Variants in CRACR2A observed in about 807,000 individuals in gnomAD.
The protein encoded by CRACR2A is calcium release activated channel regulator 2A, also known as EF-hand calcium-binding domain-containing protein 4B.
A neutral mutation model predicts 90.5 loss-of-function variants in CRACR2A; 79 were observed. That is an observed-to-expected ratio of 0.87 (90% CI 0.73 to 1.05). The LOEUF is 1.05. Among genes scored for constraint, CRACR2A ranks in the 50% least tolerant of loss-of-function variants. The probability of loss-of-function intolerance (pLI) is 0.00; values close to 1 mark genes in which losing one functional copy is unlikely to be tolerated. For synonymous variants in CRACR2A, 338 were observed against 356.7 expected, an observed-to-expected ratio of 0.95 and a Z score of 0.59; for missense variants, 823 against 897.2, an observed-to-expected ratio of 0.92 and a Z score of 1.06.
At chr12:3,719,758 C>G (rs1486754992) in intron 2 of CRACR2A, among the ~76,000 whole-genome samples, 1 of 152,188 alleles carries the variant, frequency 6.6e-6, no homozygotes, top group Non-Finnish European at 1.5e-5. Flanking sequence ...ATGGACTTAT[C>G]TCTCTTATAT....
chr12:3,635,868 T>C (rs1471941067), intron 14 of CRACR2A, among the ~76,000 whole-genome samples: 1 of 152,234 alleles, frequency 6.6e-6, no homozygotes, highest in Non-Finnish European at 1.5e-5. Context: ...CATATCTTGA[T>C]GCATTCCTTC....
chr12:3,678,184 T>A (rs1456562950), intron 6 of CRACR2A, among the ~76,000 whole-genome samples: 1 of 152,220 alleles, frequency 6.6e-6, no homozygotes, highest in African/African-American at 2.4e-5. Context: ...CTACTAGCTG[T>A]AACACCACAT....
At chr12:3,728,201 C>G (rs1946302130) in intron 2 of CRACR2A, 1 of 152,238 alleles carries the variant, frequency 6.6e-6, no homozygotes, top group Non-Finnish European at 1.5e-5. Flanking sequence ...AACGGATCCC[C>G]AGAAGTCACT....
intron 2 of CRACR2A, among the ~76,000 whole-genome samples, chr12:3,719,884 G>T (rs2137803701): frequency 6.6e-6 from 1 of 152,170 alleles, no homozygotes; most frequent in African/African-American, 2.4e-5. Flanking sequence ...TTGGGAGGCT[G>T]AGGCAGGTGG....
intron 4 of CRACR2A, among the ~76,000 whole-genome samples, chr12:3,687,437 G>C (rs1266691433): frequency 1.3e-5 from 2 of 152,112 alleles, no homozygotes; most frequent in Non-Finnish European, 2.9e-5. Flanking sequence ...TTATAAGTAG[G>C]AACATGTGGT....
intron 2 of CRACR2A, chr12:3,732,525 G>A (rs1007312354): frequency 6.6e-6 from 1 of 152,298 alleles, no homozygotes; most frequent in Admixed American, 6.5e-5. Context: ...AGGATGTCAG[G>A]CTACTAGACA....
chr12:3,750,104 T>A (rs1946683703), intron 1 of CRACR2A, among the ~76,000 whole-genome samples: 3 of 151,382 alleles, frequency 2.0e-5, no homozygotes, highest in Admixed American at 6.6e-5. Flanking sequence ...CCCAGCTAAT[T>A]TCTGTATTTT....
chr12:3,642,796 G>C (rs1944597384), intron 12 of CRACR2A, among the ~76,000 whole-genome samples: 1 of 152,162 alleles, frequency 6.6e-6, no homozygotes, highest in African/African-American at 2.4e-5. Flanking sequence ...TATGCTCCCT[G>C]ACAGATGTCT....
intron 15 of CRACR2A, among the ~76,000 whole-genome samples, chr12:3,628,011 C>CTCTCTCCT (rs1491427055): frequency 2.0e-5 from 3 of 146,480 alleles, no homozygotes; most frequent in Non-Finnish European, 3.0e-5. Flanking sequence ...CCCTCCCTCC[C>CTCTCTCCT]TCCCTCCCTC....
chr12:3,628,208 CCTCT>C (rs1288426365), intron 15 of CRACR2A, among the ~76,000 whole-genome samples: 2 of 144,994 alleles, frequency 1.4e-5, no homozygotes, highest in Non-Finnish European at 3.0e-5. Context: ...TTTCTCTCTT[CCTCT>C]CTTCCTTCCT....
intron 14 of CRACR2A, among the ~76,000 whole-genome samples, chr12:3,636,779 C>G (rs1213236876): frequency 6.6e-6 from 1 of 152,252 alleles, no homozygotes; most frequent in Non-Finnish European, 1.5e-5. Context: ...CCACTCTCCC[C>G]TGCACCAGGG....
intron 6 of CRACR2A, 79 bp downstream of exon 6, chr12:3,678,836 A>G (rs1365861681): frequency 1.4e-6 from 2 of 1,468,446 alleles, no homozygotes; most frequent in Non-Finnish European, 1.8e-6. Flanking sequence ...ATGGTTAACA[A>G]ATGTTAATTG....
chr12:3,623,148 G>A (rs1944180567), intron 17 of CRACR2A, among the ~76,000 whole-genome samples: 1 of 152,228 alleles, frequency 6.6e-6, no homozygotes, highest in East Asian at 1.9e-4. Context: ...GCAGTGCAGT[G>A]TGGCAAAGCC....
At chr12:3,617,941 T>C (rs947533359) in intron 18 of CRACR2A, among the ~76,000 whole-genome samples, 9 of 152,202 alleles carry the variant, frequency 5.9e-5, no homozygotes, top group African/African-American at 2.2e-4. Flanking sequence ...CCATGGGCTC[T>C]ATTTCTCCTT....
intron 1 of CRACR2A, among the ~76,000 whole-genome samples, chr12:3,751,978 C>T (rs10848921): frequency 0.17 from 25,624 of 152,154 alleles, 2,242 homozygotes; most frequent in African/African-American, 0.21. Context: ...GCTGATTCCA[C>T]GTGGAGCAAA....
intron 17 of CRACR2A, among the ~76,000 whole-genome samples, chr12:3,624,933 C>T (rs1371978477): frequency 6.6e-6 from 1 of 152,148 alleles, no homozygotes; most frequent in Non-Finnish European, 1.5e-5. Context: ...GGGAGCTGTT[C>T]GTTTTATTTT....
At position 3,627,459 on chromosome 12, in the gene CRACR2A, G is replaced by C. The variant is rs746523323; in HGVS notation, c.1909C>G (p.Arg637Gly). 1.9e-6 allele frequency: 3 copies of C among 1,551,908 alleles called. No individual in the cohort carries two copies. The highest frequency in any genetic ancestry group is 2.6e-6 in the Non-Finnish European group (3 of 1,147,060). The part of the protein sequence containing the change: ...LTDKQSFLSV[R>G]RWLSSVEEAV... ...ACCTCCACGCTGCTCAGCCACCGCC[G>C]GACCGACAGGAACGACTGCTTGTCT... The change falls in exon 17 of 20, where the codon CGG becomes GGG. Residue 637 changes from arginine (R) to glycine (G), a missense_variant. Coordinates refer to ENST00000440314, the MANE Select transcript of CRACR2A (RefSeq NM_001144958.2).
chr12:3,704,683 C>T (rs560591556), intron 3 of CRACR2A, among the ~76,000 whole-genome samples: 3 of 152,326 alleles, frequency 2.0e-5, no homozygotes, highest in Non-Finnish European at 2.9e-5. Context: ...GTCCATTGTA[C>T]TTATCCCAGG....
chr12:3,647,839 C>G, intron 11 of CRACR2A: 2 of 984,786 alleles, frequency 2.0e-6, no homozygotes, highest in Non-Finnish European at 2.4e-6. Context: ...CCAAGAGGTG[C>G]TCAGCAGGCA....
Sources: allele counts gnomAD v4.1 joint callset (sites outside exome capture counted in the v4.1 genomes callset), GRCh38; gene constraint gnomAD v4.1.1; transcripts MANE v1.5; gene names NCBI Gene and HGNC (gene_info 2026-07-23, HGNC 2026-07-21).